The following SMYD3 variants were observed in gnomAD, a reference collection of about 807,000 sequenced individuals.
SMYD3 encodes the protein histone-lysine N-methyltransferase SMYD3.
SMYD3 carries 36 observed loss-of-function variants against 57.7 expected under a neutral mutation model. That is an observed-to-expected ratio of 0.62 (90% CI 0.48 to 0.82). The LOEUF (loss-of-function observed/expected upper bound fraction) is 0.82, where lower values mean the gene tolerates loss of function less well. Ranked by LOEUF, SMYD3 falls within the 40% of genes least tolerant of loss-of-function variation. The probability of loss-of-function intolerance (pLI) is 0.00; values close to 1 mark genes in which losing one functional copy is unlikely to be tolerated. For missense variants in SMYD3, 515 were observed against 538.8 expected, an observed-to-expected ratio of 0.96 and a Z score of 0.44; for synonymous variants, 211 against 195.0, an observed-to-expected ratio of 1.08 and a Z score of -0.68.
At chr1:246,312,221 T>C (rs2065092082) in intron 5 of SMYD3, among the ~76,000 whole-genome samples, 1 of 152,162 alleles carries the variant, frequency 6.6e-6, no homozygotes, top group Non-Finnish European at 1.5e-5. Context: ...AGCCTTGATT[T>C]CATACAAAGG....
chr1:245,983,840 A>T (rs1374380766), intron 5 of SMYD3, among the ~76,000 whole-genome samples: 2 of 152,216 alleles, frequency 1.3e-5, no homozygotes, highest in Non-Finnish European at 2.9e-5. Flanking sequence ...AAGAACAGTC[A>T]GCTCCTGCTG....
chr1:246,273,259 C>G (rs183518657), intron 5 of SMYD3, among the ~76,000 whole-genome samples: 1 of 150,266 alleles, frequency 6.7e-6, no homozygotes, highest in African/African-American at 2.4e-5. Flanking sequence ...AAGTGATTCT[C>G]CTGCCTCGGC....
intron 5 of SMYD3, among the ~76,000 whole-genome samples, chr1:245,933,025 G>C (rs1272310367): frequency 6.6e-6 from 1 of 152,130 alleles, no homozygotes; most frequent in Non-Finnish European, 1.5e-5. Flanking sequence ...ACAACTGATA[G>C]CAACAGTGGA....
intron 8 of SMYD3, among the ~76,000 whole-genome samples, chr1:245,910,501 G>A (rs1226279103): frequency 6.6e-6 from 1 of 152,018 alleles, no homozygotes; most frequent in African/African-American, 2.4e-5. Context: ...AAAGCTGGAG[G>A]CATCACGTTA....
intron 2 of SMYD3, among the ~76,000 whole-genome samples, chr1:246,341,783 G>A (rs1221814546): frequency 6.6e-6 from 1 of 152,184 alleles, no homozygotes; most frequent in Non-Finnish European, 1.5e-5. Flanking sequence ...GCTCACTCAA[G>A]AACCCATTTA....
At chr1:246,316,830 C>T (rs1352325632) in intron 5 of SMYD3, among the ~76,000 whole-genome samples, 6 of 150,856 alleles carry the variant, frequency 4.0e-5, no homozygotes, top group South Asian at 2.1e-4. Flanking sequence ...CCCATCTCAA[C>T]TAAAAATATA....
intron 5 of SMYD3, among the ~76,000 whole-genome samples, chr1:246,286,620 T>C (rs2064570781): frequency 6.6e-6 from 1 of 152,202 alleles, no homozygotes; most frequent in African/African-American, 2.4e-5. Context: ...GACTTGCCAA[T>C]ATAAATGTAA....
chr1:245,811,519 T>C (rs2048470182), intron 10 of SMYD3, among the ~76,000 whole-genome samples: 1 of 152,230 alleles, frequency 6.6e-6, no homozygotes, highest in African/African-American at 2.4e-5. Flanking sequence ...GGGCTTAGGA[T>C]CTTCTGAATT....
chr1:245,817,273 C>T (rs1272770259), intron 10 of SMYD3, among the ~76,000 whole-genome samples: 1 of 143,674 alleles, frequency 7.0e-6, no homozygotes, highest in Admixed American at 7.1e-5. Flanking sequence ...GGAGGCACCC[C>T]CCAGCAGGGG....
intron 5 of SMYD3, among the ~76,000 whole-genome samples, chr1:245,963,731 A>T (rs948158906): frequency 7.2e-5 from 11 of 152,186 alleles, no homozygotes; most frequent in African/African-American, 2.7e-4. Flanking sequence ...CTCCAGAGAA[A>T]CTAACCAGAC....
chr1:246,002,162 A>G (rs905950768), intron 5 of SMYD3, among the ~76,000 whole-genome samples: 8 of 152,134 alleles, frequency 5.3e-5, no homozygotes, highest in African/African-American at 1.7e-4. Context: ...CTCCGGTCTG[A>G]CGGGCAAGAT....
chr1:245,894,261 T>C (rs1017094422), intron 8 of SMYD3, among the ~76,000 whole-genome samples: 2 of 151,508 alleles, frequency 1.3e-5, no homozygotes, highest in Non-Finnish European at 2.9e-5. Flanking sequence ...CAGCACCCTG[T>C]AAAATGGACC....
In SMYD3 at chr1:246,355,891, T is replaced by C. The variant is rs1195659373; in HGVS notation, c.165-797A>G. ...TGCCAAAGACAAAGGCCATAATCTC[T>C]TGGGAGCTCTATGGCCCTGCCTACC... On this transcript the variant is annotated intron_variant, in intron 1 of 11. Transcript: ENST00000490107. This position sits in a 1 kb window ranked among gnomAD's most constrained non-coding sequence, Gnocchi z 5.0. Among the ~76,000 whole-genome samples, 1 of 152,132 alleles carries C rather than the reference T, an allele frequency of 6.6e-6. No homozygotes were observed. Among genetic ancestry groups the C allele is most frequent in the Non-Finnish European group, 1.5e-5 (1 of 68,024 alleles).
intron 5 of SMYD3, among the ~76,000 whole-genome samples, chr1:246,106,017 T>A (rs773052465): frequency 9.2e-5 from 14 of 152,190 alleles, no homozygotes; most frequent in Non-Finnish European, 1.5e-5. Flanking sequence ...ACTTTCAAAG[T>A]CTTTTCCCTA....
intron 5 of SMYD3, among the ~76,000 whole-genome samples, chr1:246,016,583 C>CAAAAAAGAAG (rs2059380675): frequency 6.6e-6 from 1 of 150,656 alleles, no homozygotes; most frequent in African/African-American, 2.4e-5. Flanking sequence ...AATTCAGTCT[C>CAAAAAAGAAG]AAAAAAGAAG....
intron 5 of SMYD3, among the ~76,000 whole-genome samples, chr1:246,245,587 C>T (rs914451037): frequency 6.8e-6 from 1 of 147,510 alleles, no homozygotes; most frequent in Non-Finnish European, 1.5e-5. Context: ...AGAAATTTTA[C>T]AAATCAAAAC....
intron 5 of SMYD3, among the ~76,000 whole-genome samples, chr1:245,995,571 T>C (rs1401001327): frequency 1.3e-5 from 2 of 152,230 alleles, no homozygotes; most frequent in African/African-American, 4.8e-5. Context: ...TTTCTTTTTC[T>C]CCCACAGATC....
chr1:246,211,890 G>T (rs1367120871), intron 5 of SMYD3, among the ~76,000 whole-genome samples: 1 of 149,546 alleles, frequency 6.7e-6, no homozygotes, highest in African/African-American at 2.5e-5. Flanking sequence ...TGAGTAAAAT[G>T]TAATCCCTGT....
rs116066211 is a variant in SMYD3 at position 245,929,637 on chromosome 1, G to A, written c.599+233C>T. Among the ~76,000 whole-genome samples the A allele has an allele frequency of 7.6e-3, 1,163 of 152,336 alleles. 19 individuals carry two copies. The highest frequency in any genetic ancestry group is 0.027 in the African/African-American group (1,104 of 41,578). On this transcript the variant is annotated intron_variant, in intron 6 of 11. Coordinates refer to ENST00000490107, the MANE Select transcript of SMYD3 (RefSeq NM_001167740.2). ...TCACCCAAAGTCCCCCTGAGAACAA[G>A]AGTTTAGTTCTGAGATCTGCCCCTT...
Sources: gnomAD v4.1 joint callset for allele counts (sites outside exome capture counted in the v4.1 genomes callset) on GRCh38, gnomAD v4.1.1 for gene constraint, Gnocchi (gnomAD v3.1) non-coding constraint, MANE v1.5 for transcripts, NCBI Gene and HGNC (gene_info 2026-07-23, HGNC 2026-07-21) for gene names.